Variants in RIN2 observed in about 807,000 individuals in gnomAD.
RIN2 encodes the protein Ras and Rab interactor 2, also known as RAB5 interacting protein 2.
RIN2 carries 36 observed loss-of-function variants against 78.0 expected under a neutral mutation model. The observed-to-expected ratio is 0.46, with a 90% CI of 0.35 to 0.61. RIN2 has a LOEUF of 0.61. Among genes scored for constraint, RIN2 ranks in the 20% least tolerant of loss-of-function variants. The probability of loss-of-function intolerance (pLI) is 0.00; values close to 1 mark genes in which losing one functional copy is unlikely to be tolerated. For synonymous variants in RIN2, 466 were observed against 466.8 expected, an observed-to-expected ratio of 1.00 and a Z score of 0.02; for missense variants, 1,087 against 1,159.7, an observed-to-expected ratio of 0.94 and a Z score of 0.91.
intron 1 of RIN2, among the ~76,000 whole-genome samples, chr20:19,777,541 C>T (rs530328935): frequency 1.3e-5 from 2 of 152,368 alleles, no homozygotes; most frequent in South Asian, 2.1e-4. Flanking sequence ...ACCTCCCTGT[C>T]GCCTCATGGT....
chr20:19,845,022 T>C (rs559512510), intron 2 of RIN2, among the ~76,000 whole-genome samples: 2 of 152,210 alleles, frequency 1.3e-5, no homozygotes, highest in Admixed American at 6.5e-5. Flanking sequence ...CTGAGAATGA[T>C]GGTTTCCAGC....
intron 2 of RIN2, among the ~76,000 whole-genome samples, chr20:19,854,194 G>A (rs1347245619): frequency 6.6e-6 from 1 of 152,134 alleles, no homozygotes; most frequent in Non-Finnish European, 1.5e-5. Context: ...GGTTGTAGAT[G>A]TGTGGTATTA....
At chr20:19,933,319 C>G (rs2040508698) in intron 3 of RIN2, among the ~76,000 whole-genome samples, 1 of 152,232 alleles carries the variant, frequency 6.6e-6, no homozygotes, top group South Asian at 2.1e-4. Flanking sequence ...CTCCTGCACA[C>G]CTTCCTGGCC....
At position 19,758,758 on chromosome 20, in the gene RIN2, G is replaced by T. The variant is rs201225552; in HGVS notation, c.-163+431G>T. Among the ~76,000 whole-genome samples, 51 of 152,318 alleles carry T rather than the reference G, an allele frequency of 3.3e-4. 1 individual carries two copies. The East Asian group carries it at 8.3e-3, about 25-fold the overall frequency. On this transcript the variant is annotated intron_variant, in intron 1 of 12. Transcript: ENST00000255006. ...GAGTTCTACCTGCAGGGCTGCCTGT[G>T]GGGTGTCAAGTGCTCCCTGCGCCTG...
At chr20:19,970,606 T>C (rs2042073844) in intron 7 of RIN2, among the ~76,000 whole-genome samples, 1 of 152,230 alleles carries the variant, frequency 6.6e-6, no homozygotes, top group African/African-American at 2.4e-5. Context: ...CCTACTTTGA[T>C]ACTGAAACTA....
chr20:19,992,384 C>A, intron 11 of RIN2, 85 bp downstream of exon 11: 1 of 1,305,744 alleles, frequency 7.7e-7, no homozygotes, highest in Non-Finnish European at 1.0e-6. Context: ...TGTCACATAA[C>A]ATTAATCATT....
intron 9 of RIN2, among the ~76,000 whole-genome samples, chr20:19,977,571 AAG>A (rs2042319541): frequency 6.6e-6 from 1 of 152,144 alleles, no homozygotes; most frequent in Admixed American, 6.5e-5. Flanking sequence ...GGATTGGAGG[AAG>A]GCAAGGAGGG....
chr20:19,851,036 AG>A (rs2036952878), intron 2 of RIN2, among the ~76,000 whole-genome samples: 2 of 112,348 alleles, frequency 1.8e-5, no homozygotes, highest in Admixed American at 1.7e-4. Flanking sequence ...GAAGGAAGGA[AG>A]GAAGGAAGGA....
At chr20:19,931,548 G>T (rs912569152) in intron 3 of RIN2, among the ~76,000 whole-genome samples, 3 of 152,156 alleles carry the variant, frequency 2.0e-5, no homozygotes, top group African/African-American at 7.2e-5. Context: ...TTATGTCATA[G>T]TTGTACATAT....
chr20:19,860,583 A>G (rs542410478), intron 2 of RIN2, among the ~76,000 whole-genome samples: 1 of 152,228 alleles, frequency 6.6e-6, no homozygotes, highest in Admixed American at 6.5e-5. Flanking sequence ...TTGGCCTCCC[A>G]AAGTACTGGG....
At chr20:19,989,223 C>G (rs938046603) in intron 9 of RIN2, among the ~76,000 whole-genome samples, 1 of 151,318 alleles carries the variant, frequency 6.6e-6, no homozygotes, top group Non-Finnish European at 1.5e-5. Context: ...AGAATCTGAT[C>G]CAAGATCACA....
At chr20:19,985,217 T>C (rs2042586476) in intron 9 of RIN2, among the ~76,000 whole-genome samples, 3 of 152,202 alleles carry the variant, frequency 2.0e-5, no homozygotes, top group Admixed American at 1.3e-4. Context: ...ATCCATGCAG[T>C]AGGTGGTCAG....
At chr20:19,991,028 A>G (rs1350648668) in intron 10 of RIN2, among the ~76,000 whole-genome samples, 1 of 152,196 alleles carries the variant, frequency 6.6e-6, no homozygotes, top group Non-Finnish European at 1.5e-5. Context: ...GGAGCCCTGC[A>G]TTGTCCCAGG....
intron 2 of RIN2, among the ~76,000 whole-genome samples, chr20:19,826,660 A>G (rs1238582682): frequency 6.6e-6 from 1 of 152,202 alleles, no homozygotes; most frequent in Non-Finnish European, 1.5e-5. Context: ...GCTTTAAGTC[A>G]TCTATTAGCT....
intron 1 of RIN2, among the ~76,000 whole-genome samples, chr20:19,787,761 A>G (rs1030693583): frequency 4.6e-5 from 7 of 152,194 alleles, no homozygotes; most frequent in Non-Finnish European, 1.0e-4. Context: ...TGGATTTTGT[A>G]TTTTAAGCTC....
rs763064429 is a variant in RIN2, at chr20:19,940,872, G to A, written c.158+5673G>A. The stretch of plus-strand genomic sequence containing the variant: ...TCTAAAGATCACTTTATCCTCAGGC[G>A]GAACAGAGGGATCCACAGAACAACC... On this transcript the variant is annotated intron_variant, in intron 4 of 12. Coordinates refer to ENST00000255006, the MANE Select transcript of RIN2 (RefSeq NM_018993.4). 2.7e-4 allele frequency among the ~76,000 whole-genome samples: 41 copies of A among 152,234 alleles called. 1 individual carries two copies. In the Middle Eastern group the frequency reaches 0.014, roughly 51 times the overall value.
chr20:19,907,421 G>A (rs1159002537), intron 3 of RIN2, among the ~76,000 whole-genome samples: 1 of 152,192 alleles, frequency 6.6e-6, no homozygotes, highest in African/African-American at 2.4e-5. Flanking sequence ...CCTGGCCTGT[G>A]TACCAGACAG....
chr20:19,973,452 A>C (rs1050159715), intron 8 of RIN2, among the ~76,000 whole-genome samples: 4 of 152,198 alleles, frequency 2.6e-5, no homozygotes, highest in African/African-American at 9.6e-5. Flanking sequence ...TTCTGGGCCC[A>C]TGGGAAAGAA....
intron 2 of RIN2, among the ~76,000 whole-genome samples, chr20:19,867,666 G>A (rs757023072): frequency 7.2e-5 from 11 of 152,196 alleles, no homozygotes; most frequent in African/African-American, 1.4e-4. Context: ...AGAGTGATGC[G>A]GTGGCCTCCT....
Sources: allele counts gnomAD v4.1 joint callset (sites outside exome capture counted in the v4.1 genomes callset), GRCh38; gene constraint gnomAD v4.1.1; transcripts MANE v1.5; gene names NCBI Gene and HGNC (gene_info 2026-07-23, HGNC 2026-07-21).